SERPINE2: variants seen among roughly 807,000 people sequenced by gnomAD.
The protein encoded by SERPINE2 is serpin family E member 2.
SERPINE2 carries 14 observed loss-of-function variants against 36.3 expected under a neutral mutation model. The ratio of observed to expected loss-of-function variants is 0.39; its 90% CI spans 0.25 to 0.60. The LOEUF is 0.60. Ranked by LOEUF, SERPINE2 falls within the 20% of genes least tolerant of loss-of-function variation. The pLI is 0.57. For synonymous variants in SERPINE2, 192 were observed against 191.8 expected (o/e 1.00, Z -0.01); for missense variants, 418 against 499.6 (o/e 0.84, Z 1.56).
chr2:224,007,507 C>T (rs987231149), intron 1 of SERPINE2, among the ~76,000 whole-genome samples: 2 of 152,176 alleles, frequency 1.3e-5, no homozygotes, highest in African/African-American at 4.8e-5. Context: ...GAGTTAACTG[C>T]AGACATCATA....
chr2:224,026,580 C>T (rs1574849347), intron 1 of SERPINE2, among the ~76,000 whole-genome samples: 1 of 152,192 alleles, frequency 6.6e-6, no homozygotes, highest in East Asian at 1.9e-4. Flanking sequence ...AAGGACCCTA[C>T]TAGACGGCAA....
chr2:224,023,779 C>G (rs898596559), intron 1 of SERPINE2, among the ~76,000 whole-genome samples: 15 of 152,196 alleles, frequency 9.9e-5, no homozygotes, highest in Admixed American at 9.2e-4. Flanking sequence ...TTTTGGCACC[C>G]ACAAAAGTAA....
At chr2:223,977,731 G>C (rs936384042) in intron 7 of SERPINE2, 104 bp from the exon 8 acceptor site, 1 of 758,726 alleles carries the variant, frequency 1.3e-6, no homozygotes, top group African/African-American at 1.7e-5. Context: ...GCTGGTGTCT[G>C]AAGACACACT....
At chr2:224,001,583 C>G in intron 2 of SERPINE2, 59 bp downstream of exon 2, 2 of 1,558,688 alleles carry the variant, frequency 1.3e-6, no homozygotes, top group South Asian at 2.4e-5. Flanking sequence ...AGCCATAAAC[C>G]CTCCTGTCAC....
chr2:224,033,281 G>A (rs1210253526), intron 1 of SERPINE2, among the ~76,000 whole-genome samples: 3 of 152,162 alleles, frequency 2.0e-5, no homozygotes, highest in Non-Finnish European at 4.4e-5. Flanking sequence ...AATGCTCTAA[G>A]TGGGAATACA....
chr2:223,993,374 T>A (rs1207120498), intron 3 of SERPINE2, among the ~76,000 whole-genome samples: 1 of 152,194 alleles, frequency 6.6e-6, no homozygotes, highest in African/African-American at 2.4e-5. Flanking sequence ...TAGCTTCCTT[T>A]TATTATACAG....
intron 1 of SERPINE2, among the ~76,000 whole-genome samples, chr2:224,022,220 T>C: frequency 6.8e-6 from 1 of 146,306 alleles, no homozygotes; most frequent in East Asian, 2.0e-4. Context: ...TAGTACCAGC[T>C]ACTCATGAGG....
intron 1 of SERPINE2, among the ~76,000 whole-genome samples, chr2:224,005,528 G>A (rs1691390637): frequency 6.6e-6 from 1 of 152,138 alleles, no homozygotes; most frequent in Admixed American, 6.5e-5. Context: ...CAGTAGCCAG[G>A]AGAGTGGGTG....
chr2:223,990,469 T>C (rs996533784), intron 4 of SERPINE2, among the ~76,000 whole-genome samples: 7 of 152,144 alleles, frequency 4.6e-5, no homozygotes, highest in Non-Finnish European at 7.4e-5. Flanking sequence ...AAATCTTCCA[T>C]AGGAATGTTA....
At chr2:224,008,662 C>G (rs925444399) in intron 1 of SERPINE2, among the ~76,000 whole-genome samples, 1 of 152,226 alleles carries the variant, frequency 6.6e-6, no homozygotes, top group African/African-American at 2.4e-5. Flanking sequence ...TATACATCTT[C>G]TGTTCCAGAT....
At chr2:224,002,658 ATTTT>A (rs11418943) in intron 1 of SERPINE2, among the ~76,000 whole-genome samples, 1 of 116,530 alleles carries the variant, frequency 8.6e-6, no homozygotes, top group Non-Finnish European at 1.7e-5. Flanking sequence ...TCGTCTGGCA[ATTTT>A]TTTTTTTTTT....
rs73992283 is a variant in SERPINE2, at chr2:223,997,982, G to C, written c.487+133C>G. 1,499 of 691,234 alleles carry C rather than the reference G, an allele frequency of 2.2e-3. 19 individuals carry two copies. In the African/African-American group the frequency reaches 0.023, roughly 11 times the overall value. The allele number at this position is 691,234 out of a possible 1,614,324, so 42.8% of individuals were successfully genotyped here. A position where few individuals can be genotyped will look rare whatever the true frequency, so the allele number is the denominator to read the frequency against. ...AGGGGAAGGAGGGAGACTGAATAGAGCTTCCTTGGTCCAGGAGTTTCTCAA... is the reference window on the plus strand; with the variant it reads ...AGGGGAAGGAGGGAGACTGAATAGACCTTCCTTGGTCCAGGAGTTTCTCAA... On this transcript the variant is annotated intron_variant, in intron 3 of 8. Transcript: ENST00000409304.
intron 4 of SERPINE2, among the ~76,000 whole-genome samples, chr2:223,991,346 A>G (rs1027202478): frequency 3.3e-5 from 5 of 152,196 alleles, no homozygotes; most frequent in African/African-American, 9.7e-5. Flanking sequence ...ACAGTGCCCA[A>G]GGGTCCTGCT....
In SERPINE2 at chr2:223,998,427, A is replaced by G. The variant is rs925989606; in HGVS notation, c.260-85T>C. On this transcript the variant is annotated intron_variant, in intron 2 of 8. Transcript: ENST00000409304. Reference sequence around the variant, plus strand: ...AATCTTTTATGTTGCAGCAAGTAAGAACAGTATAGGCCAGGTGCAGTGGCT... The same window carrying G: ...AATCTTTTATGTTGCAGCAAGTAAGGACAGTATAGGCCAGGTGCAGTGGCT... The G allele has an allele frequency of 2.1e-5, 22 of 1,037,968 alleles. 1 individual carries two copies. In the Middle Eastern group the frequency reaches 8.0e-4, roughly 38 times the overall value. The allele number at this position is 1,037,968 out of a possible 1,614,324, so 64.3% of individuals were successfully genotyped here.
At chr2:224,015,355 T>A (rs1396938590) in intron 1 of SERPINE2, among the ~76,000 whole-genome samples, 1 of 152,100 alleles carries the variant, frequency 6.6e-6, no homozygotes, top group Non-Finnish European at 1.5e-5. Context: ...GCCAGGGAAG[T>A]GCTCCTGGGA....
At position 223,982,765 on chromosome 2, in the gene SERPINE2, G is replaced by C; in HGVS notation, c.901C>G (p.Gln301Glu). Residue 301 changes from glutamine to glutamate, a missense_variant, in exon 6 of 9, where the codon CAA (glutamine) becomes GAA (glutamate). Gln to Glu is a conservative substitution (Grantham distance 29, BLOSUM62 2). Coordinates refer to ENST00000409304, the MANE Select transcript of SERPINE2 (RefSeq NM_001136528.2). Reference protein sequence around the residue: ...VILPKFTAVAQTDLKEPLKVL... With the variant: ...VILPKFTAVAETDLKEPLKVL... The stretch of plus-strand genomic sequence containing the variant: ...TTCAGCGGCTCCTTCAAATCTGTTT[G>C]TGCTACAGCTGTGAACCTAGCATGA... 1 of 1,613,436 alleles carries C rather than the reference G, an allele frequency of 6.2e-7. No homozygotes were observed. The highest frequency in any genetic ancestry group is 8.5e-7 in the Non-Finnish European group (1 of 1,179,706).
At chr2:224,012,578 G>T (rs1307316376) in intron 1 of SERPINE2, among the ~76,000 whole-genome samples, 1 of 140,912 alleles carries the variant, frequency 7.1e-6, no homozygotes, top group Non-Finnish European at 1.5e-5. Flanking sequence ...ACTCCAGTCT[G>T]GGCGACAGAG....
At chr2:224,016,553 T>A (rs1276476081) in intron 1 of SERPINE2, among the ~76,000 whole-genome samples, 3 of 152,216 alleles carry the variant, frequency 2.0e-5, no homozygotes, top group Admixed American at 2.0e-4. Flanking sequence ...ATTATTTATT[T>A]TTTTTTAATG....
chr2:223,997,245 C>T (rs13384685), intron 3 of SERPINE2, among the ~76,000 whole-genome samples: 29,444 of 151,978 alleles, frequency 0.19, 2,945 homozygotes, highest in Middle Eastern at 0.23. Context: ...GTTTTAGACA[C>T]AGTCTCATTC....
Sources: gnomAD v4.1 joint callset for allele counts (sites outside exome capture counted in the v4.1 genomes callset) on GRCh38, gnomAD v4.1.1 for gene constraint, MANE v1.5 for transcripts, NCBI Gene and HGNC (gene_info 2026-07-23, HGNC 2026-07-21) for gene names.